CELF2: variants seen among roughly 807,000 people sequenced by gnomAD.
CELF2 encodes the protein CUG triplet repeat RNA-binding protein 2.
A neutral mutation model predicts 62.6 loss-of-function variants in CELF2; 8 were observed. That is an observed-to-expected ratio of 0.13 (90% CI 0.07 to 0.23). CELF2 has a LOEUF of 0.23. Ranked by LOEUF, CELF2 falls within the 10% of genes least tolerant of loss-of-function variation. CELF2 has a pLI of 1.00. For synonymous variants in CELF2, 258 were observed against 250.0 expected (o/e 1.03, Z -0.30); for missense variants, 333 against 671.0 (o/e 0.50, Z 5.56).
In CELF2 at chr10:11,132,262, A is replaced by G. The variant is rs77189564; in HGVS notation, c.75-33224A>G. Among the ~76,000 whole-genome samples, 282 of 152,340 alleles carry G rather than the reference A, an allele frequency of 1.9e-3. 1 individual carries two copies. The highest frequency in any genetic ancestry group is 6.4e-3 in the African/African-American group (268 of 41,590). ...TCTTGTAAAATATTTACTTTTTGCT[A>G]AAGATCTATTACTTAAAATGAGTTT... On this transcript the variant is annotated intron_variant, in intron 1 of 12. Transcript: ENST00000633077.
chr10:11,284,469 G>A (rs2090423469), intron 8 of CELF2, among the ~76,000 whole-genome samples: 6 of 151,248 alleles, frequency 4.0e-5, no homozygotes, highest in Admixed American at 1.3e-4. Context: ...GGATGAGTGT[G>A]TGGTGGGTGG....
chr10:11,227,739 G>A lies in CELF2; in HGVS notation c.354+10232G>A, dbSNP rs1183675056. On this transcript the variant is annotated intron_variant, in intron 3 of 12. Coordinates refer to ENST00000633077, the MANE Select transcript of CELF2 (RefSeq NM_001326342.2). This position sits in a 1 kb window ranked among gnomAD's most constrained non-coding sequence, Gnocchi z 4.8. ...GCCTCTGGCAGCTTGGGTTAGACCA[G>A]GTGGTTATTTGCCACCTGTAGGCTG... Among the ~76,000 whole-genome samples the A allele has an allele frequency of 1.3e-5, 2 of 152,216 alleles. No individual in the cohort carries two copies. The highest frequency in any genetic ancestry group is 2.9e-5 in the Non-Finnish European group (2 of 68,040).
chr10:10,486,215 GA>G, the CELF2 span, among the ~76,000 whole-genome samples: 1 of 152,098 alleles, frequency 6.6e-6, no homozygotes, highest in Admixed American at 6.5e-5. Context: ...AAGCACTAAG[GA>G]AAACAATCAA....
chr10:10,700,341 G>A, the CELF2 span, among the ~76,000 whole-genome samples: 1 of 152,192 alleles, frequency 6.6e-6, no homozygotes, highest in Non-Finnish European at 1.5e-5. Flanking sequence ...CTTCCTTTTG[G>A]GAGAATTGTT....
intron 3 of CELF2, among the ~76,000 whole-genome samples, chr10:11,233,359 G>T (rs950529038): frequency 3.9e-5 from 6 of 152,176 alleles, no homozygotes; most frequent in East Asian, 3.8e-4. Flanking sequence ...ATCAAATGCT[G>T]CCCTTTAAAC....
Position 11,243,135 on chromosome 10 carries a change from C to T in CELF2, c.355-6018C>T, listed in dbSNP as rs1478143901. On this transcript the variant is annotated intron_variant, in intron 3 of 12. Coordinates refer to ENST00000633077, the MANE Select transcript of CELF2 (RefSeq NM_001326342.2). The surrounding 1 kb of genome is among the most constrained non-coding windows in gnomAD (Gnocchi z 4.1). ...CTCCATGAGCTCCACCTTCATTGTG[C>T]ATAGGACGCTGATTCTTAGTACACA... Among the ~76,000 whole-genome samples, 4 of 152,076 alleles carry T rather than the reference C, an allele frequency of 2.6e-5. No individual in the cohort carries two copies. The highest frequency in any genetic ancestry group is 1.9e-4 in the East Asian group (1 of 5,184).
chr10:10,983,048 C>T lies in CELF2; in HGVS notation c.89+63049C>T, dbSNP rs545424672. Among the ~76,000 whole-genome samples, 48 of 152,208 alleles carry T rather than the reference C, an allele frequency of 3.2e-4. No individual in the cohort carries two copies. Among genetic ancestry groups the T allele is most frequent in the Admixed American group, 7.9e-4 (12 of 15,284 alleles). ...GTTGCCATATTAATGGGATATTAGC[C>T]CTTTACTGACTTGGAGGTTGCATCT... On this transcript the variant is annotated intron_variant, in intron 2 of 13. Coordinates refer to the CELF2 transcript ENST00000636488. This position sits in a 1 kb window ranked among gnomAD's most constrained non-coding sequence, Gnocchi z 5.2.
intron 1 of CELF2, among the ~76,000 whole-genome samples, chr10:11,137,260 T>A (rs1286023403): frequency 6.6e-6 from 1 of 152,218 alleles, no homozygotes; most frequent in Non-Finnish European, 1.5e-5. Flanking sequence ...GCTTGGGAGT[T>A]CTGGAGTCAA....
chr10:10,964,644 C>G (rs1193742615), intron 2 of CELF2, among the ~76,000 whole-genome samples: 1 of 152,140 alleles, frequency 6.6e-6, no homozygotes, highest in East Asian at 1.9e-4. Context: ...TTCTCTTGTA[C>G]ATTTTCAGAT....
chr10:10,938,311 G>A lies in CELF2; in HGVS notation c.89+18312G>A, dbSNP rs1005633111. ...TGTTATTTAGATTTAACAAAGGGCT[G>A]AACAGAGCAGCCAGTCCAAAGACCC... On this transcript the variant is annotated intron_variant, in intron 2 of 13. Transcript: ENST00000636488. The surrounding 1 kb of genome is among the most constrained non-coding windows in gnomAD (Gnocchi z 4.2). Among the ~76,000 whole-genome samples the A allele has an allele frequency of 1.3e-5, 2 of 152,210 alleles. No homozygotes were observed. The highest frequency in any genetic ancestry group is 2.9e-5 in the Non-Finnish European group (2 of 68,032).
intron 2 of CELF2, chr10:10,929,554 A>G (rs1231063861): frequency 6.6e-6 from 1 of 152,230 alleles, no homozygotes; most frequent in Non-Finnish European, 1.5e-5. Context: ...CATATGATCT[A>G]GAGCCAAACT....
chr10:10,782,684 C>T, the CELF2 span, among the ~76,000 whole-genome samples: 1 of 152,172 alleles, frequency 6.6e-6, no homozygotes, highest in Non-Finnish European at 1.5e-5. Flanking sequence ...TCCTTTCTTC[C>T]TCAGCATCTC....
intron 1 of CELF2, among the ~76,000 whole-genome samples, chr10:11,040,024 G>A (rs887531933): frequency 3.3e-5 from 5 of 152,120 alleles, no homozygotes; most frequent in Non-Finnish European, 7.3e-5. Flanking sequence ...CCTATTTTCA[G>A]GGAGTTCAGT....
At chr10:10,755,787 A>G in the CELF2 span, among the ~76,000 whole-genome samples, 3 of 152,218 alleles carry the variant, frequency 2.0e-5, no homozygotes, top group Non-Finnish European at 2.9e-5. Context: ...ACCTGAGCTG[A>G]GTGGAAAATC....
At chr10:11,202,451 G>A (rs1212448265) in intron 2 of CELF2, among the ~76,000 whole-genome samples, 1 of 152,214 alleles carries the variant, frequency 6.6e-6, no homozygotes, top group Non-Finnish European at 1.5e-5. Context: ...GAGTATCTGT[G>A]GGGTGAGCTT....
intron 3 of CELF2, among the ~76,000 whole-genome samples, chr10:11,233,913 T>A (rs1237010038): frequency 6.6e-6 from 1 of 152,202 alleles, no homozygotes; most frequent in African/African-American, 2.4e-5. Context: ...GAGAGGTGGG[T>A]GTGCCAGAGT....
At chr10:10,541,237 C>G in the CELF2 span, among the ~76,000 whole-genome samples, 1 of 68,196 alleles carries the variant, frequency 1.5e-5, no homozygotes, top group Non-Finnish European at 2.7e-5. Flanking sequence ...AATGAGACCC[C>G]ATCTCAAAAA....
At chr10:10,521,287 T>A in the CELF2 span, among the ~76,000 whole-genome samples, 1 of 152,124 alleles carries the variant, frequency 6.6e-6, no homozygotes, top group South Asian at 2.1e-4. Flanking sequence ...AGTACCATAT[T>A]CCAAAACAGA....
At chr10:11,184,887 T>C (rs1255281199) in intron 2 of CELF2, among the ~76,000 whole-genome samples, 3 of 152,202 alleles carry the variant, frequency 2.0e-5, no homozygotes, top group Admixed American at 6.5e-5. Context: ...CTTGCCTGCT[T>C]GCACTGGCCA....
Sources: gnomAD v4.1 joint callset for allele counts (sites outside exome capture counted in the v4.1 genomes callset) on GRCh38, gnomAD v4.1.1 for gene constraint, Gnocchi (gnomAD v3.1) non-coding constraint, MANE v1.5 for transcripts, NCBI Gene and HGNC (gene_info 2026-07-23, HGNC 2026-07-21) for gene names.